The following PCDHGA11 variants were observed in gnomAD, a reference collection of about 807,000 sequenced individuals.
The protein encoded by PCDHGA11 is protocadherin gamma subfamily A, 11.
Under a neutral mutation model 60.4 loss-of-function variants are expected in PCDHGA11, and 39 were observed. That is an observed-to-expected ratio of 0.65 (90% CI 0.50 to 0.84). The LOEUF is 0.84. Ranked by LOEUF, PCDHGA11 falls within the 40% of genes least tolerant of loss-of-function variation. The pLI, the probability that PCDHGA11 is intolerant of heterozygous loss-of-function variation, is 0.00. For synonymous variants in PCDHGA11, 533 were observed against 510.3 expected (o/e 1.04, Z -0.60); for missense variants, 1,165 against 1,197.7 (o/e 0.97, Z 0.40).
intron 2 of PCDHGA11, among the ~76,000 whole-genome samples, chr5:141,502,947 G>A (rs933409229): frequency 3.0e-4 from 45 of 151,030 alleles, no homozygotes; most frequent in Admixed American, 1.8e-3. Context: ...GGGTTCAAGC[G>A]ATTCTCCTGC....
chr5:141,460,455 A>AT (rs2098989699), intron 1 of PCDHGA11, among the ~76,000 whole-genome samples: 1 of 152,080 alleles, frequency 6.6e-6, no homozygotes, highest in Non-Finnish European at 1.5e-5. Flanking sequence ...GAAGATTCAT[A>AT]TTTTTTTCCA....
chr5:141,478,532 G>T, intron 1 of PCDHGA11: 1 of 1,607,858 alleles, frequency 6.2e-7, no homozygotes, highest in East Asian at 2.2e-5. Flanking sequence ...TGCAGAGAGC[G>T]CCCCTCCCGG....
chr5:141,486,012 A>C lies in PCDHGA11; in HGVS notation c.2434-8795A>C. The C allele has an allele frequency of 1.9e-6, 3 of 1,614,064 alleles. No homozygotes were observed. The highest frequency in any genetic ancestry group is 2.5e-6 in the Non-Finnish European group (3 of 1,179,984). On this transcript the variant is annotated intron_variant, in intron 1 of 3. Coordinates refer to ENST00000398587, the MANE Select transcript of PCDHGA11 (RefSeq NM_018914.3). The surrounding 1 kb of genome is among the most constrained non-coding windows in gnomAD (Gnocchi z 5.0). ...GGTCCCAGTGGTAACGTCACCTTTT[A>C]TTTCAGTGGTCATACCCCTGATCGT...
chr5:141,433,080 A>T lies in PCDHGA11; in HGVS notation c.2433+9420A>T, dbSNP rs1315049041. 4.3e-6 allele frequency: 7 copies of T among 1,614,174 alleles called. No homozygotes were observed. The East Asian group carries it at 1.6e-4, about 36-fold the overall frequency. ...AGTCACCTGATCTTCCCCCAGCCCA[A>T]CTATGCAGACATGCTCGTCAGCCAG... On this transcript the variant is annotated intron_variant, in intron 1 of 3. Transcript: ENST00000398587.
chr5:141,451,069 C>G (rs2098705799), intron 1 of PCDHGA11, among the ~76,000 whole-genome samples: 1 of 151,836 alleles, frequency 6.6e-6, no homozygotes, highest in Non-Finnish European at 1.5e-5. Flanking sequence ...ACCTTGTGAT[C>G]CACCCACCTT....
chr5:141,468,230 TAGG>T (rs1451844939), intron 1 of PCDHGA11, among the ~76,000 whole-genome samples: 9 of 141,220 alleles, frequency 6.4e-5, no homozygotes, highest in South Asian at 2.2e-4. Context: ...GAGGATGAGG[TAGG>T]AGAATTGCCT....
chr5:141,436,638 A>G (rs2097838155), intron 1 of PCDHGA11, among the ~76,000 whole-genome samples: 1 of 152,194 alleles, frequency 6.6e-6, no homozygotes, highest in Non-Finnish European at 1.5e-5. Flanking sequence ...ACATGCAATT[A>G]ATTAACAGTA....
intron 1 of PCDHGA11, among the ~76,000 whole-genome samples, chr5:141,438,596 A>G (rs1303292978): frequency 2.8e-5 from 1 of 35,176 alleles, no homozygotes; most frequent in Non-Finnish European, 6.2e-5. Context: ...ACATACATAT[A>G]TATATATATA....
rs1016254258 is a variant in PCDHGA11 at position 141,489,870 on chromosome 5, G to C, written c.2434-4937G>C. ...GTGAAGCCCAGGCAAGACATCAGCT[G>C]GTGCTTACTGCTGTGGATGGGGGGA... On this transcript the variant is annotated intron_variant, in intron 1 of 3. Transcript: ENST00000398587. The surrounding 1 kb of genome is among the most constrained non-coding windows in gnomAD (Gnocchi z 4.5). The C allele has an allele frequency of 2.0e-5, 32 of 1,614,102 alleles. No homozygotes were observed. Among genetic ancestry groups the C allele is most frequent in the African/African-American group, 4.0e-5 (3 of 74,944 alleles).
Position 141,486,070 on chromosome 5 carries a change from T to C in PCDHGA11, c.2434-8737T>C. ...ACCTCTTTAGCCTGCACCCCACTAC[T>C]GGAAAGCTTACTCTTTTGGGGCCCC... On this transcript the variant is annotated intron_variant, in intron 1 of 3. Coordinates refer to ENST00000398587, the MANE Select transcript of PCDHGA11 (RefSeq NM_018914.3). The surrounding 1 kb of genome is among the most constrained non-coding windows in gnomAD (Gnocchi z 5.0). 6.2e-7 allele frequency: 1 copy of C among 1,614,158 alleles called. No homozygotes were observed. The highest frequency in any genetic ancestry group is 8.5e-7 in the Non-Finnish European group (1 of 1,180,010).
intron 1 of PCDHGA11, among the ~76,000 whole-genome samples, chr5:141,455,860 A>T (rs1032468147): frequency 1.4e-5 from 2 of 139,848 alleles, no homozygotes; most frequent in South Asian, 2.3e-4. Context: ...AATTTCTTTT[A>T]TTATTTATTT....
chr5:141,466,020 G>A (rs973577698), intron 1 of PCDHGA11, among the ~76,000 whole-genome samples: 2 of 151,974 alleles, frequency 1.3e-5, no homozygotes, highest in South Asian at 4.1e-4. Context: ...TACTCGGGAG[G>A]GTGAGGCAGG....
Position 141,464,191 on chromosome 5 carries a change from G to C in PCDHGA11, c.2434-30616G>C, listed in dbSNP as rs185888723. Among the ~76,000 whole-genome samples, 583 of 151,818 alleles carry C rather than the reference G, an allele frequency of 3.8e-3. 6 individuals are homozygous for C. Among genetic ancestry groups the C allele is most frequent in the Admixed American group, 0.011 (166 of 15,202 alleles). On this transcript the variant is annotated intron_variant, in intron 1 of 3. Transcript: ENST00000398587. ...GAGGCAGGAGAATTGCTTGATTTCA[G>C]GAGGCGGAGATTGCAGTGAGCTGAG...
chr5:141,436,220 T>C (rs1179034537), intron 1 of PCDHGA11, among the ~76,000 whole-genome samples: 2 of 152,096 alleles, frequency 1.3e-5, no homozygotes, highest in Non-Finnish European at 2.9e-5. Flanking sequence ...ACAAATGACT[T>C]GGGAAACTAA....
In PCDHGA11 at chr5:141,493,664, G is replaced by A. The variant is rs2099749444; in HGVS notation, c.2434-1143G>A. Reference sequence around the variant, plus strand: ...TGGCCATCCCTGTGCCCTTCTCCATGGCAGCCCCAGAATGGTGCTGGTGAC... The same window carrying A: ...TGGCCATCCCTGTGCCCTTCTCCATAGCAGCCCCAGAATGGTGCTGGTGAC... On this transcript the variant is annotated intron_variant, in intron 1 of 3. Coordinates refer to ENST00000398587, the MANE Select transcript of PCDHGA11 (RefSeq NM_018914.3). This position sits in a 1 kb window ranked among gnomAD's most constrained non-coding sequence, Gnocchi z 4.3. Among the ~76,000 whole-genome samples, 1 of 152,136 alleles carries A rather than the reference G, an allele frequency of 6.6e-6. No homozygotes were observed. Among genetic ancestry groups the A allele is most frequent in the Non-Finnish European group, 1.5e-5 (1 of 68,026 alleles).
chr5:141,476,306 C>T lies in PCDHGA11; in HGVS notation c.2434-18501C>T, dbSNP rs1011265476. The T allele has an allele frequency of 1.2e-6, 2 of 1,613,464 alleles. No homozygotes were observed. Among genetic ancestry groups the T allele is most frequent in the African/African-American group, 2.7e-5 (2 of 74,688 alleles). On this transcript the variant is annotated intron_variant, in intron 1 of 3. Transcript: ENST00000398587. The surrounding 1 kb of genome is among the most constrained non-coding windows in gnomAD (Gnocchi z 7.6). ...TTTGGATCTCGGTAGCCTCTCAGCCCGCAGGTTCCGGGTGGTGTCTGGAGC... is the reference window on the plus strand; with the variant it reads ...TTTGGATCTCGGTAGCCTCTCAGCCTGCAGGTTCCGGGTGGTGTCTGGAGC...
intron 1 of PCDHGA11, among the ~76,000 whole-genome samples, chr5:141,470,151 CT>C (rs746135943): frequency 7.2e-5 from 11 of 152,164 alleles, no homozygotes; most frequent in Non-Finnish European, 1.6e-4. Flanking sequence ...CATAGATCAT[CT>C]TATCAAATCA....
rs1231591874 is a variant in PCDHGA11 at position 141,431,615 on chromosome 5, G to T, written c.2433+7955G>T. The T allele has an allele frequency of 3.1e-6, 5 of 1,614,118 alleles. No homozygotes were observed. Among genetic ancestry groups the T allele is most frequent in the African/African-American group, 2.7e-5 (2 of 74,950 alleles). On this transcript the variant is annotated intron_variant, in intron 1 of 3. Transcript: ENST00000398587. The surrounding 1 kb of genome is among the most constrained non-coding windows in gnomAD (Gnocchi z 4.8). Reference sequence around the variant, plus strand: ...GAGGTATTCCTTCCGGTATGTGGACGACAAGGCGGCCCAAGTTTTCAAACT... The same window carrying T: ...GAGGTATTCCTTCCGGTATGTGGACTACAAGGCGGCCCAAGTTTTCAAACT...
chr5:141,437,664 A>G (rs10035418), intron 1 of PCDHGA11, among the ~76,000 whole-genome samples: 45,525 of 151,942 alleles, frequency 0.3, 8,040 homozygotes, highest in African/African-American at 0.5. Context: ...AGTTTCGAAG[A>G]GATGTTGATC....
Sources: allele counts gnomAD v4.1 joint callset (sites outside exome capture counted in the v4.1 genomes callset), GRCh38; gene constraint gnomAD v4.1.1; non-coding constraint Gnocchi (gnomAD v3.1); transcripts MANE v1.5; gene names NCBI Gene and HGNC (gene_info 2026-07-23, HGNC 2026-07-21).